Variants in PHACTR1 observed in about 807,000 individuals in gnomAD.
PHACTR1 encodes RPEL repeat containing 1.
In PHACTR1, 16 loss-of-function variants were observed where a neutral mutation model predicts 69.2. The ratio of observed to expected loss-of-function variants is 0.23; its 90% confidence interval spans 0.16 to 0.35. The LOEUF (loss-of-function observed/expected upper bound fraction) is 0.35. Among genes scored for constraint, PHACTR1 ranks in the 10% least tolerant of loss-of-function variants. The probability of loss-of-function intolerance (pLI) is 1.00; values close to 1 mark genes in which losing one functional copy is unlikely to be tolerated. For missense variants in PHACTR1, 510 were observed against 734.7 expected (o/e 0.69, Z 3.54); for synonymous variants, 312 against 284.5 (o/e 1.10, Z -0.97).
chr6:12,889,150 TTGGGAGGCTGAGG>T (rs1403429069), intron 4 of PHACTR1, among the ~76,000 whole-genome samples: 2 of 152,116 alleles, frequency 1.3e-5, no homozygotes, highest in African/African-American at 4.8e-5. Context: ...GGCTTGAGCC[TTGGGAGGCTGAGG>T]TGGGAGGCTG....
intron 4 of PHACTR1, among the ~76,000 whole-genome samples, chr6:12,914,697 A>G (rs369996081): frequency 6.6e-6 from 1 of 152,204 alleles, no homozygotes; most frequent in East Asian, 1.9e-4. Flanking sequence ...ATCAGGAGAC[A>G]GAAATCACAC....
chr6:13,151,427 C>G (rs1276273866), intron 5 of PHACTR1, among the ~76,000 whole-genome samples: 3 of 152,156 alleles, frequency 2.0e-5, no homozygotes, highest in East Asian at 3.8e-4. Context: ...ACTGGGAGCA[C>G]ATAGAAAATA....
Position 12,950,052 on chromosome 6 carries a change from A to G in PHACTR1, c.251-103313A>G, listed in dbSNP as rs145303424. On this transcript the variant is annotated intron_variant, in intron 4 of 14. Transcript: ENST00000332995. ...TGCATAACAAATCACCCCAGCATTT[A>G]GCTGTTTAAAACAATAATCATTTTG... 1.2e-4 allele frequency among the ~76,000 whole-genome samples: 19 copies of G among 152,344 alleles called. No homozygotes were observed. In the East Asian group the frequency reaches 3.7e-3, roughly 29 times the overall value.
chr6:12,883,138 C>T (rs1218842676), intron 4 of PHACTR1, among the ~76,000 whole-genome samples: 2 of 152,144 alleles, frequency 1.3e-5, no homozygotes, highest in Admixed American at 6.5e-5. Flanking sequence ...GATCCCCCCA[C>T]CCCAGCCCCT....
chr6:13,047,410 C>T (rs1376401934), intron 4 of PHACTR1, among the ~76,000 whole-genome samples: 1 of 146,098 alleles, frequency 6.8e-6, no homozygotes, highest in Non-Finnish European at 1.5e-5. Flanking sequence ...AAAGGCAGTG[C>T]TGCTGCTTCA....
chr6:13,097,608 C>G (rs4537139), intron 5 of PHACTR1, among the ~76,000 whole-genome samples: 115,061 of 152,138 alleles, frequency 0.76, 43,901 homozygotes, highest in East Asian at 0.93. Context: ...AACCATCTAG[C>G]CTGTCATAGA....
At chr6:12,887,317 A>G (rs1009301128) in intron 4 of PHACTR1, among the ~76,000 whole-genome samples, 6 of 152,220 alleles carry the variant, frequency 3.9e-5, no homozygotes, top group African/African-American at 1.4e-4. Context: ...AAGACAGTAA[A>G]GGGAGGCTTA....
At chr6:13,276,186 C>T (rs1389047283) in intron 11 of PHACTR1, 1 of 151,904 alleles carries the variant, frequency 6.6e-6, no homozygotes, top group South Asian at 2.1e-4. Context: ...AAAGCACACT[C>T]ATGGTGACGG....
At chr6:12,927,664 GT>G (rs1788414477) in intron 4 of PHACTR1, among the ~76,000 whole-genome samples, 1 of 152,090 alleles carries the variant, frequency 6.6e-6, no homozygotes, top group South Asian at 2.1e-4. Flanking sequence ...AACAGCATAG[GT>G]ACCATGCATG....
intron 5 of PHACTR1, among the ~76,000 whole-genome samples, chr6:13,065,231 C>G (rs1331974411): frequency 6.6e-6 from 1 of 152,036 alleles, no homozygotes; most frequent in East Asian, 1.9e-4. Context: ...GATGAAAACT[C>G]CAAAGAGAGA....
intron 4 of PHACTR1, among the ~76,000 whole-genome samples, chr6:13,050,843 A>G (rs537339432): frequency 6.6e-6 from 1 of 152,334 alleles, no homozygotes; most frequent in South Asian, 2.1e-4. Flanking sequence ...TAAAAATGTT[A>G]GCCATTCTTG....
At chr6:13,285,255 C>T (rs1038204220) in intron 13 of PHACTR1, among the ~76,000 whole-genome samples, 1 of 152,204 alleles carries the variant, frequency 6.6e-6, no homozygotes, top group African/African-American at 2.4e-5. Flanking sequence ...CCCCTGCCCC[C>T]ACCCCCAAAG....
chr6:13,227,778 C>T, intron 8 of PHACTR1, 38 bp from the exon 9 acceptor site: 1 of 1,602,580 alleles, frequency 6.2e-7, no homozygotes, highest in Non-Finnish European at 8.5e-7. Context: ...GCACGTTAGC[C>T]AAAGTGAATT....
At chr6:12,801,267 T>C (rs1284698717) in intron 4 of PHACTR1, among the ~76,000 whole-genome samples, 1 of 152,206 alleles carries the variant, frequency 6.6e-6, no homozygotes, top group Non-Finnish European at 1.5e-5. Context: ...ATCTAACTTG[T>C]TGATAAAGCC....
intron 6 of PHACTR1, among the ~76,000 whole-genome samples, chr6:13,171,947 T>C (rs955793635): frequency 4.6e-5 from 7 of 152,078 alleles, no homozygotes; most frequent in African/African-American, 1.7e-4. Flanking sequence ...TTGTATTTTT[T>C]GTAGAGACGG....
rs985345167 is a variant in PHACTR1, at chr6:13,179,072, C to CA, written c.497-3441dup. On this transcript the variant is annotated intron_variant, in intron 6 of 14. Transcript: ENST00000332995. This position sits in a 1 kb window ranked among gnomAD's most constrained non-coding sequence, Gnocchi z 4.2. ...GCAACATGGCAAAACCCTGTCTCTA[C>CA]AAAAAATATAAAAATTAGTGGGGCA... Among the ~76,000 whole-genome samples, 121 of 151,978 alleles carry CA rather than the reference C, an allele frequency of 8.0e-4. No individual in the cohort carries two copies. The highest frequency in any genetic ancestry group is 2.7e-3 in the African/African-American group (111 of 41,376).
At chr6:13,128,287 A>G (rs1819868548) in intron 5 of PHACTR1, among the ~76,000 whole-genome samples, 1 of 32,604 alleles carries the variant, frequency 3.1e-5, no homozygotes, top group Non-Finnish European at 9.1e-5. Context: ...ATGGATCCAA[A>G]CTAAAAAAAA....
intron 4 of PHACTR1, among the ~76,000 whole-genome samples, chr6:12,899,377 G>A (rs1242938646): frequency 6.6e-6 from 1 of 152,174 alleles, no homozygotes; most frequent in Non-Finnish European, 1.5e-5. Context: ...AGAGAAAGAT[G>A]ATATATCAGC....
chr6:12,782,423 T>A lies in PHACTR1; in HGVS notation c.250+32633T>A, dbSNP rs533074117. Among the ~76,000 whole-genome samples the A allele has an allele frequency of 3.9e-5, 6 of 152,334 alleles. No homozygotes were observed. In the East Asian group the frequency reaches 1.2e-3, roughly 29 times the overall value. Reference sequence around the variant, plus strand: ...GTATAATGTCAGGCCATAAGGAGGCTGTATTCACAGGGACAAGCTGTAATC... The same window carrying A: ...GTATAATGTCAGGCCATAAGGAGGCAGTATTCACAGGGACAAGCTGTAATC... On this transcript the variant is annotated intron_variant, in intron 4 of 14. Coordinates refer to ENST00000332995, the MANE Select transcript of PHACTR1 (RefSeq NM_030948.6).
Sources: gnomAD v4.1 joint callset for allele counts (sites outside exome capture counted in the v4.1 genomes callset) on GRCh38, gnomAD v4.1.1 for gene constraint, Gnocchi (gnomAD v3.1) non-coding constraint, MANE v1.5 for transcripts, NCBI Gene and HGNC (gene_info 2026-07-23, HGNC 2026-07-21) for gene names.